Variants in LOC128125817 observed in about 807,000 individuals in gnomAD.
the LOC128125817 span, among the ~76,000 whole-genome samples, chr1:41,628,344 A>C: frequency 0.026 from 4,023 of 152,242 alleles, 88 homozygotes; most frequent in Middle Eastern, 0.082. Flanking sequence ...TTCAGCAAGA[A>C]CCATTATGTA....
chr1:41,621,033 C>T, the LOC128125817 span, among the ~76,000 whole-genome samples: 1 of 152,212 alleles, frequency 6.6e-6, no homozygotes, highest in Non-Finnish European at 1.5e-5. Context: ...CTGGGCAAGT[C>T]ACTTGCCACG....
At chr1:41,612,265 T>C in the LOC128125817 span, among the ~76,000 whole-genome samples, 1 of 152,220 alleles carries the variant, frequency 6.6e-6, no homozygotes, top group Non-Finnish European at 1.5e-5. Context: ...ACAGAACCCA[T>C]TCTGCCTTCC....
the LOC128125817 span, among the ~76,000 whole-genome samples, chr1:41,612,967 A>C: frequency 3.3e-5 from 5 of 152,202 alleles, no homozygotes; most frequent in Admixed American, 1.3e-4. Flanking sequence ...TCATTGTCCC[A>C]ACCTGGCCCT....
At chr1:41,598,348 TC>T in the LOC128125817 span, among the ~76,000 whole-genome samples, 4 of 152,202 alleles carry the variant, frequency 2.6e-5, no homozygotes, top group Non-Finnish European at 5.9e-5. Context: ...CCTACAAGCT[TC>T]CTAGGTAGTT....
chr1:41,612,465 T>G, the LOC128125817 span, among the ~76,000 whole-genome samples: 2 of 152,288 alleles, frequency 1.3e-5, no homozygotes, highest in African/African-American at 4.8e-5. Flanking sequence ...ACACAATGTC[T>G]AACATACTTC....
the LOC128125817 span, among the ~76,000 whole-genome samples, chr1:41,619,325 A>G: frequency 2.0e-5 from 3 of 152,172 alleles, no homozygotes; most frequent in Non-Finnish European, 4.4e-5. Flanking sequence ...CGTGCCCCCT[A>G]TTCCTTTCCT....
chr1:41,607,234 T>C, the LOC128125817 span, among the ~76,000 whole-genome samples: 1 of 152,234 alleles, frequency 6.6e-6, no homozygotes, highest in African/African-American at 2.4e-5. Context: ...TGATGGATAC[T>C]GAACCTCTGG....
chr1:41,587,382 A>G, the LOC128125817 span, among the ~76,000 whole-genome samples: 1 of 152,214 alleles, frequency 6.6e-6, no homozygotes, highest in Non-Finnish European at 1.5e-5. Context: ...GACAAATCTC[A>G]TTTCATTAGA....
At chr1:41,617,164 T>C in the LOC128125817 span, among the ~76,000 whole-genome samples, 1 of 152,216 alleles carries the variant, frequency 6.6e-6, no homozygotes, top group Non-Finnish European at 1.5e-5. Flanking sequence ...TTAAATTTAC[T>C]GTTAAGTTTG....
chr1:41,587,060 G>A, the LOC128125817 span, among the ~76,000 whole-genome samples: 1 of 152,014 alleles, frequency 6.6e-6, no homozygotes, highest in Non-Finnish European at 1.5e-5. Flanking sequence ...AGGAGAAAAG[G>A]GAGATTTGGT....
chr1:41,619,711 C>G, the LOC128125817 span, among the ~76,000 whole-genome samples: 1 of 152,058 alleles, frequency 6.6e-6, no homozygotes, highest in South Asian at 2.1e-4. Context: ...GAGGGAGAGC[C>G]AGGGCTCCAG....
the LOC128125817 span, among the ~76,000 whole-genome samples, chr1:41,587,948 T>C: frequency 1.3e-5 from 2 of 152,252 alleles, no homozygotes; most frequent in Non-Finnish European, 2.9e-5. Context: ...GAGTAAGGAA[T>C]TGTCTAGCAT....
the LOC128125817 span, among the ~76,000 whole-genome samples, chr1:41,586,245 G>A: frequency 6.6e-6 from 1 of 152,206 alleles, no homozygotes; most frequent in African/African-American, 2.4e-5. Flanking sequence ...TGCAAGCAGG[G>A]CAGTCTCAGC....
chr1:41,591,562 G>A, the LOC128125817 span, among the ~76,000 whole-genome samples: 44 of 152,062 alleles, frequency 2.9e-4, no homozygotes, highest in Non-Finnish European at 5.7e-4. Flanking sequence ...AAATCATCAC[G>A]ATCCTGGCAC....
the LOC128125817 span, among the ~76,000 whole-genome samples, chr1:41,618,180 T>A: frequency 2.0e-5 from 3 of 152,196 alleles, no homozygotes; most frequent in African/African-American, 7.2e-5. Flanking sequence ...GGGAGGGCTG[T>A]TTGTTCCGCT....
chr1:41,605,376 C>CGT, the LOC128125817 span, among the ~76,000 whole-genome samples: 7 of 47,880 alleles, frequency 1.5e-4, no homozygotes, highest in South Asian at 2.9e-3. Flanking sequence ...CGCACACGCG[C>CGT]ACACACACAC....
chr1:41,621,991 T>C, the LOC128125817 span, among the ~76,000 whole-genome samples: 3 of 152,254 alleles, frequency 2.0e-5, no homozygotes, highest in African/African-American at 7.2e-5. Flanking sequence ...ACCATCATCA[T>C]TTCCTGCCTG....
At chr1:41,604,752 A>G in the LOC128125817 span, among the ~76,000 whole-genome samples, 1 of 152,172 alleles carries the variant, frequency 6.6e-6, no homozygotes, top group African/African-American at 2.4e-5. Context: ...AAGACATACT[A>G]TATGATTCCA....
chr1:41,605,470 T>C, the LOC128125817 span, among the ~76,000 whole-genome samples: 1 of 152,104 alleles, frequency 6.6e-6, no homozygotes, highest in Non-Finnish European at 1.5e-5. Flanking sequence ...TGTACATAAC[T>C]GTATGTATGT....
Sources: gnomAD v4.1 joint callset for allele counts (sites outside exome capture counted in the v4.1 genomes callset) on GRCh38, gnomAD v4.1.1 for gene constraint, MANE v1.5 for transcripts.